RAB3B: variants seen among roughly 807,000 people sequenced by gnomAD.
RAB3B encodes RAB3B, member RAS oncogene family, also known as ras-related protein Rab-3B.
RAB3B carries 11 observed loss-of-function variants against 20.5 expected under a neutral mutation model. The observed-to-expected ratio is 0.54, with a 90% CI of 0.34 to 0.89. The LOEUF (loss-of-function observed/expected upper bound fraction) is 0.89. RAB3B is among the 40% of genes least tolerant of loss of function. The pLI is 0.02. For synonymous variants in RAB3B, 99 were observed against 106.3 expected, an observed-to-expected ratio of 0.93 and a Z score of 0.42; for missense variants, 225 against 280.9, an observed-to-expected ratio of 0.80 and a Z score of 1.42.
intron 4 of RAB3B, among the ~76,000 whole-genome samples, chr1:51,931,639 GA>G (rs1684325093): frequency 6.6e-6 from 1 of 152,132 alleles, no homozygotes; most frequent in African/African-American, 2.4e-5. Context: ...TGTCTGCAGG[GA>G]ACTTTCGGGA....
In RAB3B at chr1:51,977,128, G is replaced by C; in HGVS notation, c.1-11C>G. 1.2e-6 allele frequency: 2 copies of C among 1,609,468 alleles called. No individual in the cohort carries two copies. Among genetic ancestry groups the C allele is most frequent in the Non-Finnish European group, 1.7e-6 (2 of 1,175,934 alleles). ...TGTCACTGAAGCCATCTGCAAGAGAGACCTAGAGTCACTCAGGAACAGACC... is the reference window on the plus strand; with the variant it reads ...TGTCACTGAAGCCATCTGCAAGAGACACCTAGAGTCACTCAGGAACAGACC... On this transcript the variant is annotated splice_polypyrimidine_tract_variant and intron_variant, in intron 1 of 4. Coordinates refer to ENST00000371655, the MANE Select transcript of RAB3B (RefSeq NM_002867.4).
intron 4 of RAB3B, among the ~76,000 whole-genome samples, chr1:51,930,302 G>A (rs1355496529): frequency 1.3e-5 from 2 of 152,186 alleles, no homozygotes; most frequent in African/African-American, 4.8e-5. Context: ...TATTGGACAT[G>A]CTCTATAGTA....
At chr1:51,937,165 T>G (rs530764013) in intron 3 of RAB3B, 129 bp downstream of exon 3, 1 of 663,818 alleles carries the variant, frequency 1.5e-6, no homozygotes, top group Non-Finnish European at 2.6e-6. Context: ...TGCTCTCGTC[T>G]GTAAACTCCT....
chr1:51,984,106 T>C (rs538239675), intron 1 of RAB3B, among the ~76,000 whole-genome samples: 2 of 150,222 alleles, frequency 1.3e-5, no homozygotes, highest in Admixed American at 1.3e-4. Flanking sequence ...CTACTAAAAA[T>C]ACAAAAAATT....
At chr1:51,930,271 T>G (rs1239325239) in intron 4 of RAB3B, among the ~76,000 whole-genome samples, 2 of 152,232 alleles carry the variant, frequency 1.3e-5, no homozygotes, top group Non-Finnish European at 2.9e-5. Flanking sequence ...ATTTAACCTC[T>G]CTGAACCTCA....
intron 3 of RAB3B, 113 bp from the exon 4 acceptor site, chr1:51,933,555 A>G (rs1684356520): frequency 3.0e-6 from 3 of 1,015,604 alleles, no homozygotes; most frequent in South Asian, 3.3e-5. Flanking sequence ...TGGTATTTGG[A>G]GGTGGAGTCT....
Position 51,919,748 on chromosome 1 carries a change from T to C in RAB3B, c.*179A>G. ...ATGTTAGTCTAGTGCTGAGTATCTA[T>C]TACTGGGACCATCTGCAGAGAACCC... On this transcript the variant is annotated 3_prime_UTR_variant, in exon 5 of 5. Coordinates refer to ENST00000371655, the MANE Select transcript of RAB3B (RefSeq NM_002867.4). 1.7e-6 allele frequency: 1 copy of C among 579,346 alleles called. No homozygotes were observed. Among genetic ancestry groups the C allele is most frequent in the Non-Finnish European group, 3.0e-6 (1 of 330,142 alleles). 35.9% of individuals were successfully genotyped at this position (579,346 alleles called of 1,614,324 possible).
At chr1:51,929,880 C>T (rs1232745889) in intron 4 of RAB3B, among the ~76,000 whole-genome samples, 1 of 152,190 alleles carries the variant, frequency 6.6e-6, no homozygotes, top group Non-Finnish European at 1.5e-5. Flanking sequence ...AGTGCCAGGG[C>T]AGAACTTGGC....
At chr1:51,947,727 T>G (rs1684584551) in intron 2 of RAB3B, among the ~76,000 whole-genome samples, 1 of 152,186 alleles carries the variant, frequency 6.6e-6, no homozygotes, top group Non-Finnish European at 1.5e-5. Context: ...TGCTACTCTC[T>G]GCCACAATAC....
chr1:51,926,869 AATGC>A (rs1012273745), intron 4 of RAB3B, among the ~76,000 whole-genome samples: 2 of 152,156 alleles, frequency 1.3e-5, no homozygotes, highest in Non-Finnish European at 2.9e-5. Context: ...TGTGCAAGAA[AATGC>A]AAGTGGTCTG....
chr1:51,930,836 T>G (rs1344648784), intron 4 of RAB3B, among the ~76,000 whole-genome samples: 2 of 152,058 alleles, frequency 1.3e-5, no homozygotes, highest in Non-Finnish European at 2.9e-5. Flanking sequence ...GCCAACATGA[T>G]GAAACCCCGT....
intron 2 of RAB3B, among the ~76,000 whole-genome samples, chr1:51,955,000 G>C (rs950806096): frequency 6.6e-6 from 1 of 152,332 alleles, no homozygotes; most frequent in Non-Finnish European, 1.5e-5. Context: ...CCAACATAGG[G>C]CCTATCACCC....
At chr1:51,968,310 G>A (rs947822172) in intron 2 of RAB3B, among the ~76,000 whole-genome samples, 6 of 152,170 alleles carry the variant, frequency 3.9e-5, no homozygotes, top group African/African-American at 1.4e-4. Flanking sequence ...GCAGCAACAG[G>A]AAACTAATAG....
intron 2 of RAB3B, among the ~76,000 whole-genome samples, chr1:51,958,654 C>A (rs1321607766): frequency 6.6e-6 from 1 of 150,666 alleles, no homozygotes; most frequent in African/African-American, 2.4e-5. Flanking sequence ...ACCCGGGAGG[C>A]GGAGGTTGCG....
chr1:51,946,786 G>A (rs142110778), intron 2 of RAB3B, among the ~76,000 whole-genome samples: 138 of 152,246 alleles, frequency 9.1e-4, no homozygotes, highest in African/African-American at 3.1e-3. Flanking sequence ...GCACATGTTA[G>A]TAGGCACCTT....
At chr1:51,924,270 TA>T (rs1304978375) in intron 4 of RAB3B, among the ~76,000 whole-genome samples, 1 of 152,060 alleles carries the variant, frequency 6.6e-6, no homozygotes, top group Non-Finnish European at 1.5e-5. Flanking sequence ...TTATGGAAGA[TA>T]GACACATTGA....
In RAB3B at chr1:51,939,736, G is replaced by A. The variant is rs1684464661; in HGVS notation, c.229-2324C>T. Among the ~76,000 whole-genome samples the A allele has an allele frequency of 2.6e-5, 4 of 152,106 alleles. No homozygotes were observed. The South Asian group carries it at 6.2e-4, about 24-fold the overall frequency. On this transcript the variant is annotated intron_variant, in intron 2 of 4. Transcript: ENST00000371655. ...ACCACAGGCATGTGCCACCATGCCT[G>A]GCTAATTTTTTTTACTTTTGTAGAG...
intron 2 of RAB3B, among the ~76,000 whole-genome samples, chr1:51,953,638 T>A (rs1205798133): frequency 6.6e-6 from 1 of 152,090 alleles, no homozygotes; most frequent in Admixed American, 6.6e-5. Context: ...ACGTCTCTAC[T>A]AAAAATACAA....
chr1:51,960,105 G>A (rs972645754), intron 2 of RAB3B, among the ~76,000 whole-genome samples: 1 of 152,098 alleles, frequency 6.6e-6, no homozygotes, highest in Non-Finnish European at 1.5e-5. Context: ...GAGTGCCACC[G>A]GGCAGCTGCA....
Sources: gnomAD v4.1 joint callset for allele counts (sites outside exome capture counted in the v4.1 genomes callset) on GRCh38, gnomAD v4.1.1 for gene constraint, MANE v1.5 for transcripts, NCBI Gene and HGNC (gene_info 2026-07-23, HGNC 2026-07-21) for gene names.